FAM47E: variants seen among roughly 807,000 people sequenced by gnomAD.
FAM47E encodes protein FAM47E.
A neutral mutation model predicts 41.6 loss-of-function variants in FAM47E; 32 were observed. The observed-to-expected ratio is 0.77, with a 90% CI of 0.58 to 1.03. FAM47E has a LOEUF of 1.03. FAM47E is among the 50% of genes least tolerant of loss of function. The pLI is 0.00. For missense variants in FAM47E, 424 were observed against 485.4 expected (o/e 0.87, Z 1.19); for synonymous variants, 184 against 188.7 (o/e 0.98, Z 0.20).
intron 4 of FAM47E, 157 bp downstream of exon 4, chr4:76,268,925 A>G: frequency 2.2e-6 from 2 of 896,750 alleles, no homozygotes; most frequent in Non-Finnish European, 3.2e-6. Flanking sequence ...TCGTAAAGGA[A>G]TCATTTTCTT....
intron 2 of FAM47E, among the ~76,000 whole-genome samples, chr4:76,257,082 C>T (rs895491395): frequency 3.9e-5 from 6 of 152,118 alleles, no homozygotes; most frequent in South Asian, 2.1e-4. Context: ...ATGCATCTCT[C>T]GTCTTTGTAT....
Position 76,262,203 on chromosome 4 carries a change from A to G in FAM47E, c.421-1501A>G, listed in dbSNP as rs182929291. Among the ~76,000 whole-genome samples the G allele has an allele frequency of 3.1e-3, 469 of 152,346 alleles. 3 individuals carry two copies. The highest frequency in any genetic ancestry group is 0.011 in the African/African-American group (437 of 41,564). Reference sequence around the variant, plus strand: ...ATTGAATCACAGAAGAATTTTAAAAAGAGCAGTGCATGTAGAAAATGAATA... The same window carrying G: ...ATTGAATCACAGAAGAATTTTAAAAGGAGCAGTGCATGTAGAAAATGAATA... On this transcript the variant is annotated intron_variant, in intron 2 of 7. Coordinates refer to ENST00000424749, the MANE Select transcript of FAM47E (RefSeq NM_001136570.3).
intron 2 of FAM47E, among the ~76,000 whole-genome samples, chr4:76,233,710 T>C (rs1175328816): frequency 1.8e-4 from 28 of 152,046 alleles, no homozygotes. Flanking sequence ...AACATCCAGA[T>C]ACCAACCACA....
rs1596117 is a variant in FAM47E, at chr4:76,230,337, C to G, written c.81+12649C>G. ...TAGGCCTAACTCAACTCCCACACAG[C>G]TGGTGAGGCTGGTCTTGCTCGCTCT... On this transcript the variant is annotated intron_variant, in intron 2 of 7. Coordinates refer to the FAM47E transcript ENST00000510197. Among the ~76,000 whole-genome samples the G allele has an allele frequency of 7.8e-3, 1,186 of 152,096 alleles. 18 individuals are homozygous for G. Among genetic ancestry groups the G allele is most frequent in the Admixed American group, 0.025 (376 of 15,288 alleles).
chr4:76,244,101 C>T (rs1733768701), intron 2 of FAM47E, among the ~76,000 whole-genome samples: 1 of 152,196 alleles, frequency 6.6e-6, no homozygotes, highest in Non-Finnish European at 1.5e-5. Context: ...CATAGTATTC[C>T]ATGGTGTATA....
chr4:76,281,431 A>T (rs997462324), intron 7 of FAM47E: 1 of 152,008 alleles, frequency 6.6e-6, no homozygotes, highest in Non-Finnish European at 1.5e-5. Context: ...TAATATACAA[A>T]TAACTGCCTA....
chr4:76,258,210 C>A (rs1734267219), intron 2 of FAM47E, among the ~76,000 whole-genome samples: 1 of 152,150 alleles, frequency 6.6e-6, no homozygotes, highest in Non-Finnish European at 1.5e-5. Context: ...ATCAGAAGAT[C>A]CAGGTTTAAG....
In FAM47E at chr4:76,256,335, A is replaced by G. The variant is rs1734191224; in HGVS notation, c.232A>G (p.Ile78Val). ...CCCTGTGGAGGGCTTTCTGCCCCAG[A>G]TTTATCACAGAGCTCCCCAACTGGC... ...QVPVEGFLPQ[I>V]YHRAPQLAPK... is the part of the protein sequence containing the mutation. The change falls in exon 2 of 8, where the codon ATT (isoleucine) becomes GTT (valine). Residue 78 changes from isoleucine (I) to valine (V), a missense_variant. Ile to Val is a conservative substitution (Grantham distance 29, BLOSUM62 3). Transcript: ENST00000424749. 1 of 1,551,652 alleles carries G rather than the reference A, an allele frequency of 6.4e-7. No homozygotes were observed. The highest frequency in any genetic ancestry group is 8.7e-7 in the Non-Finnish European group (1 of 1,146,994).
At chr4:76,265,060 C>T (rs547814773) in intron 3 of FAM47E, among the ~76,000 whole-genome samples, 95 of 152,256 alleles carry the variant, frequency 6.2e-4, no homozygotes, top group African/African-American at 2.1e-3. Flanking sequence ...ACATTACCTA[C>T]GTGGAGGTGG....
exon 1 of FAM47E, chr4:76,214,195 G>A (rs1307968463): frequency 6.6e-6 from 3 of 453,958 alleles, no homozygotes; most frequent in Non-Finnish European, 1.3e-5. Flanking sequence ...CTCTAGAGGC[G>A]CTCGCAAGTT....
At chr4:76,277,711 C>G (rs1735188376) in intron 5 of FAM47E, among the ~76,000 whole-genome samples, 1 of 152,138 alleles carries the variant, frequency 6.6e-6, no homozygotes, top group East Asian at 1.9e-4. Context: ...ACATTCTCTC[C>G]TTTAATCTTC....
At chr4:76,234,978 G>A (rs1253208792) in intron 2 of FAM47E, among the ~76,000 whole-genome samples, 2 of 152,026 alleles carry the variant, frequency 1.3e-5, no homozygotes, top group African/African-American at 4.8e-5. Flanking sequence ...AGATAGTAGG[G>A]ACAGGGTGGG....
At chr4:76,249,396 A>T (rs561462481), upstream of FAM47E, among the ~76,000 whole-genome samples, 38 of 152,274 alleles carry the variant, frequency 2.5e-4, no homozygotes, top group Admixed American at 9.8e-4. Flanking sequence ...AAATATTTTT[A>T]AAAGGATTAT....
intron 2 of FAM47E, among the ~76,000 whole-genome samples, chr4:76,223,504 T>C (rs1733344211): frequency 6.6e-6 from 1 of 152,176 alleles, no homozygotes; most frequent in Non-Finnish European, 1.5e-5. Flanking sequence ...CACAATATTA[T>C]CACAGTTGTC....
intron 2 of FAM47E, among the ~76,000 whole-genome samples, chr4:76,245,756 A>G (rs1478577533): frequency 2.0e-5 from 3 of 152,224 alleles, no homozygotes; most frequent in East Asian, 3.9e-4. Context: ...ACTGTTCAAC[A>G]AAGAGTGGAG....
intron 2 of FAM47E, among the ~76,000 whole-genome samples, chr4:76,227,846 A>G (rs1008089605): frequency 1.2e-4 from 19 of 152,176 alleles, no homozygotes; most frequent in Admixed American, 3.3e-4. Flanking sequence ...AAGAATAGCT[A>G]TTCCTGCTTG....
chr4:76,280,045 T>G, intron 6 of FAM47E: 2 of 395,856 alleles, frequency 5.1e-6, no homozygotes, highest in Non-Finnish European at 9.1e-6. Context: ...ATCCTTAATA[T>G]GGGGATAAGG....
At position 76,278,077 on chromosome 4, in the gene FAM47E, T is replaced by C. The variant is rs971716357; in HGVS notation, c.879T>C (p.Tyr293=). ...TATGTTACTTTCCACAGAATCCTTA[T>C]AAGCCAAAGTGGGTGAAGATGAGGT... ...ERKLQKPQNP[Y]KPKWVKMRYG... is the part of the protein sequence containing the mutation. Residue 293 remains tyrosine (Y), a synonymous_variant, in exon 6 of 8, where the codon TAT becomes TAC. Coordinates refer to ENST00000424749, the MANE Select transcript of FAM47E (RefSeq NM_001136570.3). 1.3e-6 allele frequency: 2 copies of C among 1,504,780 alleles called. No individual in the cohort carries two copies. The highest frequency in any genetic ancestry group is 1.3e-5 in the South Asian group (1 of 75,658). The allele number at this position is 1,504,780 out of a possible 1,614,324, so 93.2% of individuals were successfully genotyped here.
intron 1 of FAM47E, among the ~76,000 whole-genome samples, chr4:76,252,278 T>G (rs1462816470): frequency 3.9e-5 from 6 of 152,090 alleles, no homozygotes; most frequent in Non-Finnish European, 8.8e-5. Flanking sequence ...AGCCCAGGGT[T>G]GGGGGAGCGC....
Sources: allele counts gnomAD v4.1 joint callset (sites outside exome capture counted in the v4.1 genomes callset), GRCh38; gene constraint gnomAD v4.1.1; transcripts MANE v1.5; gene names NCBI Gene and HGNC (gene_info 2026-07-23, HGNC 2026-07-21).